FHOD3: variants seen among roughly 807,000 people sequenced by gnomAD.
The protein encoded by FHOD3 is formin homology 2 domain containing 3.
In FHOD3, 90 loss-of-function variants were observed where a neutral mutation model predicts 173.0. That is an observed-to-expected ratio of 0.52 (90% CI 0.44 to 0.62). The LOEUF (loss-of-function observed/expected upper bound fraction) is 0.62. Ranked by LOEUF, FHOD3 falls within the 20% of genes least tolerant of loss-of-function variation. FHOD3 has a pLI of 0.00. For missense variants in FHOD3, 1,945 were observed against 2,034.7 expected (o/e 0.96, Z 0.85); for synonymous variants, 828 against 823.0 (o/e 1.01, Z -0.10).
intron 3 of FHOD3, among the ~76,000 whole-genome samples, chr18:36,408,533 A>T (rs181940870): frequency 6.6e-6 from 1 of 152,224 alleles, no homozygotes; most frequent in African/African-American, 2.4e-5. Context: ...GAGTGGGAAG[A>T]TGCCTTCTAG....
intron 3 of FHOD3, among the ~76,000 whole-genome samples, chr18:36,489,443 T>C (rs868797576): frequency 6.1e-4 from 93 of 152,250 alleles, no homozygotes; most frequent in African/African-American, 2.1e-3. Flanking sequence ...GGCTCACTCC[T>C]GTAATCACAA....
intron 13 of FHOD3, among the ~76,000 whole-genome samples, chr18:36,656,916 G>T (rs2036465835): frequency 6.6e-6 from 1 of 151,880 alleles, no homozygotes; most frequent in Non-Finnish European, 1.5e-5. Context: ...GAGCTTTCTG[G>T]AAAGAAAAAG....
chr18:36,687,098 C>T (rs2149449690), intron 15 of FHOD3, 30 bp from the exon 16 acceptor site: 4 of 1,548,316 alleles, frequency 2.6e-6, no homozygotes, highest in South Asian at 2.3e-5. Context: ...CTTTCTTTTC[C>T]TGTTTGTTTG....
intron 1 of FHOD3, among the ~76,000 whole-genome samples, chr18:36,321,893 G>A (rs890971460): frequency 4.1e-4 from 62 of 152,346 alleles, no homozygotes; most frequent in African/African-American, 1.4e-3. Context: ...GGGGCTGCAG[G>A]CGATGCCCTG....
chr18:36,695,213 G>A (rs552054329), intron 17 of FHOD3, among the ~76,000 whole-genome samples: 40 of 152,000 alleles, frequency 2.6e-4, no homozygotes, highest in South Asian at 4.2e-4. Flanking sequence ...TTAGCCGGGC[G>A]TGGTGGCGCA....
chr18:36,696,530 G>C (rs1026649557), intron 17 of FHOD3, among the ~76,000 whole-genome samples: 4 of 152,168 alleles, frequency 2.6e-5, no homozygotes, highest in Admixed American at 2.6e-4. Flanking sequence ...CTTTTTAAAA[G>C]GGAAAGGCTA....
chr18:36,362,631 T>C (rs1239470038), intron 2 of FHOD3, among the ~76,000 whole-genome samples: 2 of 151,862 alleles, frequency 1.3e-5, no homozygotes, highest in Non-Finnish European at 2.9e-5. Context: ...GGGCCAGCCA[T>C]AGGATGCAGG....
In FHOD3 at chr18:36,693,346, A is replaced by T; in HGVS notation, c.2159A>T (p.His720Leu). ...CCAGCCTGCCTGGCTCCTCTGAGCC[A>T]TAGCCCCTCATCTTCAGACTCTCAA... Reference protein sequence around the residue: ...AAPACLAPLSHSPSSSDSQEA... With the variant: ...AAPACLAPLSLSPSSSDSQEA... The change falls in exon 17 of 29, where the codon CAT (histidine) becomes CTT (leucine). Residue 720 changes from histidine (H) to leucine (L), a missense_variant. By Grantham distance (99) the His-to-Leu change is moderately conservative. Around this residue, in one of 5 missense-constraint regions of FHOD3, gnomAD observed 1,099 missense variants for 1,051.2 expected, o/e 1.05. Coordinates refer to ENST00000590592, the MANE Select transcript of FHOD3 (RefSeq NM_001281740.3). 6.2e-7 allele frequency: 1 copy of T among 1,613,970 alleles called. No homozygotes were observed. The highest frequency in any genetic ancestry group is 8.5e-7 in the Non-Finnish European group (1 of 1,179,892).
At chr18:36,423,271 C>G (rs114788448) in intron 3 of FHOD3, among the ~76,000 whole-genome samples, 1,545 of 152,212 alleles carry the variant, frequency 0.01, 20 homozygotes, top group African/African-American at 0.036. Context: ...GCCATGATTA[C>G]AATTTTAGGA....
At chr18:36,565,100 C>T (rs926868787) in intron 5 of FHOD3, among the ~76,000 whole-genome samples, 1 of 152,088 alleles carries the variant, frequency 6.6e-6, no homozygotes, top group East Asian at 1.9e-4. Flanking sequence ...TTATTTAGGG[C>T]AGACAATTAA....
In FHOD3 at chr18:36,718,125, A is replaced by G. The variant is rs145658831; in HGVS notation, c.2827A>G (p.Lys943Glu). 2.5e-6 allele frequency: 4 copies of G among 1,602,876 alleles called. No homozygotes were observed. The highest frequency in any genetic ancestry group is 2.7e-5 in the African/African-American group (2 of 74,636). Residue 943 changes from lysine (K) to glutamate (E), a missense_variant, in exon 19 of 29, where the codon AAA becomes GAA. Transcript: ENST00000590592. ...GGGCAGTGTGAAAGCATTTGCTGAG[A>G]AATTCAACAGTGGGGACCTGGGGAG... The part of the protein sequence containing the change: ...NRGSVKAFAE[K>E]FNSGDLGRGS...
chr18:36,737,016 T>C (rs1445041787), intron 20 of FHOD3, among the ~76,000 whole-genome samples: 2 of 152,224 alleles, frequency 1.3e-5, no homozygotes, highest in African/African-American at 4.8e-5. Flanking sequence ...ATCATCACAG[T>C]ATCATCTGCT....
intron 5 of FHOD3, among the ~76,000 whole-genome samples, chr18:36,545,588 G>T (rs1167808065): frequency 1.3e-5 from 2 of 152,218 alleles, no homozygotes; most frequent in African/African-American, 4.8e-5. Flanking sequence ...AACTTTTTAA[G>T]TTCTAGAATT....
chr18:36,699,905 T>TCG (rs1197678087), intron 17 of FHOD3, among the ~76,000 whole-genome samples: 2 of 152,204 alleles, frequency 1.3e-5, no homozygotes, highest in Non-Finnish European at 2.9e-5. Flanking sequence ...GAAGTTCAAG[T>TCG]CGCTTTTTGT....
At chr18:36,360,648 A>T (rs1201266361) in intron 2 of FHOD3, among the ~76,000 whole-genome samples, 1 of 152,068 alleles carries the variant, frequency 6.6e-6, no homozygotes, top group Non-Finnish European at 1.5e-5. Flanking sequence ...CTCTGCTGTT[A>T]TTCTTGGACA....
At chr18:36,447,194 G>A (rs1490818328) in intron 3 of FHOD3, among the ~76,000 whole-genome samples, 2 of 152,186 alleles carry the variant, frequency 1.3e-5, no homozygotes, top group African/African-American at 4.8e-5. Context: ...GCCTGCCTCT[G>A]TATCTGTGAT....
intron 8 of FHOD3, among the ~76,000 whole-genome samples, chr18:36,606,056 G>T: frequency 6.6e-6 from 1 of 152,188 alleles, no homozygotes; most frequent in Admixed American, 6.5e-5. Context: ...CTGGCTTAGG[G>T]TGTTCAGGGA....
In FHOD3 at chr18:36,769,262, T is replaced by C; in HGVS notation, c.4625-3T>C. ...TTGTGCACTCTGGCTGTTTAATTTT[T>C]AGGATCCACTAGTTCCTGGACTATG... On this transcript the variant is annotated splice_polypyrimidine_tract_variant and splice_region_variant and intron_variant, in intron 27 of 28. Transcript: ENST00000590592. 1 of 1,613,772 alleles carries C rather than the reference T, an allele frequency of 6.2e-7. No homozygotes were observed. Among genetic ancestry groups the C allele is most frequent in the South Asian group, 1.1e-5 (1 of 91,036 alleles).
At chr18:36,644,079 G>C (rs1480715888) in intron 10 of FHOD3, among the ~76,000 whole-genome samples, 2 of 152,132 alleles carry the variant, frequency 1.3e-5, no homozygotes, top group Non-Finnish European at 2.9e-5. Flanking sequence ...CAGGCCTCTG[G>C]GTTGCTTTTC....
Sources: gnomAD v4.1 joint callset for allele counts (sites outside exome capture counted in the v4.1 genomes callset) on GRCh38, gnomAD v4.1.1 for gene constraint, gnomAD v4.1.1 regional missense constraint, MANE v1.5 for transcripts, NCBI Gene and HGNC (gene_info 2026-07-23, HGNC 2026-07-21) for gene names.